SVEP1: variants seen among roughly 807,000 people sequenced by gnomAD.
The protein encoded by SVEP1 is sushi, von Willebrand factor type A, EGF and pentraxin domain containing 1.
A neutral mutation model predicts 367.3 loss-of-function variants in SVEP1; 164 were observed. That is an observed-to-expected ratio of 0.45 (90% confidence interval 0.39 to 0.51). The LOEUF (loss-of-function observed/expected upper bound fraction) is 0.51, where lower values mean the gene tolerates loss of function less well. SVEP1 is among the 20% of genes least tolerant of loss of function. SVEP1 has a pLI of 0.00. For synonymous variants in SVEP1, 1,666 were observed against 1,611.6 expected (o/e 1.03, Z -0.81); for missense variants, 4,117 against 4,425.3 (o/e 0.93, Z 1.98).
chr9:110,416,833 G>A (rs1828128067), intron 36 of SVEP1, among the ~76,000 whole-genome samples: 1 of 152,046 alleles, frequency 6.6e-6, no homozygotes, highest in African/African-American at 2.4e-5. Context: ...TGACATTGTG[G>A]ACCAGATACT....
chr9:110,518,156 C>A (rs1829830042), intron 3 of SVEP1, among the ~76,000 whole-genome samples: 1 of 152,102 alleles, frequency 6.6e-6, no homozygotes, highest in Non-Finnish European at 1.5e-5. Flanking sequence ...AGCACGGTGG[C>A]TCACATCTGT....
intron 29 of SVEP1, 60 bp downstream of exon 29, chr9:110,435,181 G>C: frequency 1.3e-6 from 2 of 1,581,288 alleles, no homozygotes. Context: ...GTCTTCTTTT[G>C]CTAGACAGTC....
At chr9:110,572,802 A>AAAAAAAAAAAAAAAAAAAAC (rs1830581752) in intron 1 of SVEP1, among the ~76,000 whole-genome samples, 1 of 148,296 alleles carries the variant, frequency 6.7e-6, no homozygotes, top group Non-Finnish European at 1.5e-5. Context: ...AAAAAAAAAA[A>AAAAAAAAAAAAAAAAAAAAC]AAAAAAAAAA....
chr9:110,491,591 G>GTA (rs35355315), intron 8 of SVEP1, among the ~76,000 whole-genome samples: 2 of 8,536 alleles, frequency 2.3e-4, no homozygotes, highest in Non-Finnish European at 4.0e-4. Flanking sequence ...ATAGAATGGG[G>GTA]TGTGTGTGTG....
chr9:110,413,008 A>G (rs1588041935), intron 36 of SVEP1, among the ~76,000 whole-genome samples: 2 of 151,658 alleles, frequency 1.3e-5, no homozygotes, highest in Admixed American at 1.3e-4. Context: ...CTAGAACTAG[A>G]AATACCATTT....
At chr9:110,563,699 G>A (rs1830456542) in intron 1 of SVEP1, among the ~76,000 whole-genome samples, 2 of 152,144 alleles carry the variant, frequency 1.3e-5, no homozygotes, top group Non-Finnish European at 2.9e-5. Context: ...TCTCAAGAGG[G>A]ATTGAAACCA....
chr9:110,473,593 A>G (rs1316288929), intron 14 of SVEP1, among the ~76,000 whole-genome samples: 2 of 152,192 alleles, frequency 1.3e-5, no homozygotes, highest in Non-Finnish European at 2.9e-5. Context: ...ACTCTCTTGT[A>G]TGGTACAACA....
At chr9:110,510,660 G>T (rs1322565313) in intron 5 of SVEP1, among the ~76,000 whole-genome samples, 1 of 152,178 alleles carries the variant, frequency 6.6e-6, no homozygotes, top group East Asian at 1.9e-4. Context: ...GTGCAGGCTT[G>T]AGAGGCAGGG....
chr9:110,377,217 G>A (rs1287152245), intron 45 of SVEP1, 54 bp downstream of exon 45: 2 of 1,544,042 alleles, frequency 1.3e-6, no homozygotes, highest in Non-Finnish European at 1.8e-6. Flanking sequence ...CCCTCAGGTG[G>A]GAGCATCCAG....
intron 46 of SVEP1, among the ~76,000 whole-genome samples, chr9:110,373,869 G>A (rs1188643316): frequency 6.6e-6 from 1 of 152,160 alleles, no homozygotes; most frequent in African/African-American, 2.4e-5. Context: ...TGTATTTGAG[G>A]TCTGCAAGAG....
chr9:110,537,286 T>A (rs1830090760), intron 3 of SVEP1, among the ~76,000 whole-genome samples: 1 of 151,952 alleles, frequency 6.6e-6, no homozygotes, highest in African/African-American at 2.4e-5. Context: ...GTATGCTCTC[T>A]TAACCTAACA....
chr9:110,456,026 T>G (rs4978928), intron 21 of SVEP1, among the ~76,000 whole-genome samples: 3 of 152,104 alleles, frequency 2.0e-5, no homozygotes, highest in Non-Finnish European at 4.4e-5. Context: ...ATCATCTGTA[T>G]GTGCTACCAA....
chr9:110,548,897 A>G (rs1022148849), intron 2 of SVEP1, among the ~76,000 whole-genome samples: 3 of 152,136 alleles, frequency 2.0e-5, no homozygotes, highest in Admixed American at 1.3e-4. Flanking sequence ...CCCAGGTGGG[A>G]GAAATGCTTG....
chr9:110,503,294 T>C (rs1417699023), intron 5 of SVEP1, 77 bp from the exon 6 acceptor site: 1 of 1,389,932 alleles, frequency 7.2e-7, no homozygotes, highest in Non-Finnish European at 9.9e-7. Context: ...TAGCAATGCC[T>C]GCACATTGCA....
chr9:110,570,346 T>C (rs73534560), intron 1 of SVEP1, among the ~76,000 whole-genome samples: 2,568 of 152,302 alleles, frequency 0.017, 75 homozygotes, highest in African/African-American at 0.059. Context: ...AAAGTATTAA[T>C]TTTATTTTGT....
At chr9:110,496,981 C>T in intron 7 of SVEP1, 48 bp from the exon 8 acceptor site, 1 of 1,232,134 alleles carries the variant, frequency 8.1e-7, no homozygotes, top group Non-Finnish European at 1.1e-6. Flanking sequence ...ATATGTGGTC[C>T]TAGATCATTT....
chr9:110,406,495 G>GC lies in SVEP1; in HGVS notation c.9104dup (p.Phe3036LeufsTer8). 6.2e-7 allele frequency: 1 copy of GC among 1,613,810 alleles called. No homozygotes were observed. The highest frequency in any genetic ancestry group is 8.5e-7 in the Non-Finnish European group (1 of 1,179,872). On this transcript the variant is annotated frameshift_variant, in exon 38 of 48. Transcript: ENST00000374469. LOFTEE classifies it high-confidence loss of function. ...TTTCAGAAAGTCCTAGGAGCTTGAA[G>GC]CCTTTGAAGCACTGAATCCGGGCTG...
At chr9:110,527,256 C>A (rs748948584) in intron 3 of SVEP1, among the ~76,000 whole-genome samples, 21 of 151,940 alleles carry the variant, frequency 1.4e-4, no homozygotes, top group Non-Finnish European at 2.2e-4. Context: ...CTTAAAATTG[C>A]ATGTGACTCT....
In SVEP1 at chr9:110,408,760, A is replaced by G. The variant is rs998225375; in HGVS notation, c.6840T>C (p.Phe2280=). The G allele has an allele frequency of 2.5e-6, 4 of 1,613,614 alleles. No homozygotes were observed. The highest frequency in any genetic ancestry group is 2.7e-5 in the African/African-American group (2 of 74,934). ...IQNGFMKGEN[F]EVGSKVQFFC... The stretch of plus-strand genomic sequence containing the variant: ...AAAACTGAACCTTGGACCCTACTTC[A>G]AAGTTTTCTCCTTTCATGAAGCCAT... The change falls in exon 38 of 48, where the codon TTT becomes TTC. Residue 2280 remains phenylalanine (F), a synonymous_variant. Transcript: ENST00000374469.
Sources: gnomAD v4.1 joint callset for allele counts (sites outside exome capture counted in the v4.1 genomes callset) on GRCh38, gnomAD v4.1.1 for gene constraint, MANE v1.5 for transcripts, NCBI Gene and HGNC (gene_info 2026-07-23, HGNC 2026-07-21) for gene names.